DEPDC1B: variants seen among roughly 807,000 people sequenced by gnomAD.
DEPDC1B encodes the protein DEP domain-containing protein 1B.
A neutral mutation model predicts 66.5 loss-of-function variants in DEPDC1B; 51 were observed. The observed-to-expected ratio is 0.77, with a 90% CI of 0.61 to 0.97. DEPDC1B has a LOEUF of 0.97. DEPDC1B is among the 50% of genes least tolerant of loss of function. The probability of loss-of-function intolerance (pLI) is 0.00; values close to 1 mark genes in which losing one functional copy is unlikely to be tolerated. For missense variants in DEPDC1B, 552 were observed against 637.1 expected, an observed-to-expected ratio of 0.87 and a Z score of 1.44; for synonymous variants, 226 against 223.6, an observed-to-expected ratio of 1.01 and a Z score of -0.10.
intron 2 of DEPDC1B, among the ~76,000 whole-genome samples, chr5:60,671,232 G>C (rs1357323786): frequency 6.6e-6 from 1 of 152,196 alleles, no homozygotes; most frequent in East Asian, 1.9e-4. Flanking sequence ...GAGACTAACT[G>C]CAACAATAGG....
chr5:60,642,715 G>T (rs1268637410), intron 6 of DEPDC1B, 97 bp downstream of exon 6: 3 of 813,004 alleles, frequency 3.7e-6, no homozygotes, highest in Non-Finnish European at 6.0e-6. Context: ...TCTCACAGGT[G>T]TCACATCAAT....
chr5:60,650,767 C>A (rs1490914197), intron 2 of DEPDC1B, among the ~76,000 whole-genome samples: 1 of 152,162 alleles, frequency 6.6e-6, no homozygotes, highest in Non-Finnish European at 1.5e-5. Context: ...AAGGTGTTTA[C>A]AATCATACCT....
At chr5:60,664,722 C>A (rs190788971) in intron 2 of DEPDC1B, among the ~76,000 whole-genome samples, 90 of 152,198 alleles carry the variant, frequency 5.9e-4, no homozygotes, top group Non-Finnish European at 1.5e-4. Flanking sequence ...GAAAGTAATC[C>A]CCTCACTCCA....
At chr5:60,683,339 G>A (rs1303877689) in intron 2 of DEPDC1B, among the ~76,000 whole-genome samples, 1 of 152,146 alleles carries the variant, frequency 6.6e-6, no homozygotes, top group African/African-American at 2.4e-5. Flanking sequence ...GGCTGAGGTG[G>A]GAAGATCACT....
chr5:60,696,941 A>C (rs923650271), intron 1 of DEPDC1B, among the ~76,000 whole-genome samples: 1 of 152,234 alleles, frequency 6.6e-6, no homozygotes, highest in African/African-American at 2.4e-5. Flanking sequence ...TCCTAGATCT[A>C]CTTGCACTTG....
At chr5:60,693,170 A>C (rs1336433150) in intron 1 of DEPDC1B, among the ~76,000 whole-genome samples, 1 of 152,158 alleles carries the variant, frequency 6.6e-6, no homozygotes. Flanking sequence ...ACACCTAAAA[A>C]CAAAAACACA....
chr5:60,648,364 C>T (rs1392277351), intron 2 of DEPDC1B, among the ~76,000 whole-genome samples: 1 of 152,192 alleles, frequency 6.6e-6, no homozygotes, highest in Non-Finnish European at 1.5e-5. Context: ...AAACTGCTTT[C>T]ATGTGTCCTG....
At chr5:60,668,183 T>TTA (rs534282247) in intron 2 of DEPDC1B, among the ~76,000 whole-genome samples, 54 of 4,166 alleles carry the variant, frequency 0.013, 7 homozygotes, top group South Asian at 0.026. Context: ...AATGGATATT[T>TTA]TATATATATA....
intron 7 of DEPDC1B, among the ~76,000 whole-genome samples, chr5:60,619,758 A>G (rs11948719): frequency 0.11 from 16,306 of 152,266 alleles, 1,224 homozygotes; most frequent in Non-Finnish European, 0.16. Context: ...CAAGCTACCA[A>G]TGACTTTCTT....
intron 1 of DEPDC1B, among the ~76,000 whole-genome samples, chr5:60,690,410 A>C (rs991229773): frequency 8.5e-5 from 13 of 152,256 alleles, no homozygotes; most frequent in Non-Finnish European, 1.0e-4. Context: ...ATGCATATGA[A>C]AAGCTAAATG....
intron 2 of DEPDC1B, among the ~76,000 whole-genome samples, chr5:60,659,211 C>G (rs1019156139): frequency 2.6e-5 from 4 of 152,142 alleles, no homozygotes; most frequent in Admixed American, 6.5e-5. Context: ...GGGAGCAGCC[C>G]ACCCCCATCT....
intron 2 of DEPDC1B, among the ~76,000 whole-genome samples, chr5:60,676,942 G>A (rs542008246): frequency 2.6e-4 from 40 of 152,202 alleles, no homozygotes; most frequent in Non-Finnish European, 5.1e-4. Flanking sequence ...AAGACTTTCC[G>A]GTTCATAATG....
chr5:60,616,572 C>T (rs563008467), intron 7 of DEPDC1B, among the ~76,000 whole-genome samples: 6 of 150,992 alleles, frequency 4.0e-5, no homozygotes, highest in South Asian at 4.2e-4. Context: ...TGAAATGAAG[C>T]GAGAAGTTTA....
At chr5:60,625,798 T>A (rs1246373259) in intron 7 of DEPDC1B, among the ~76,000 whole-genome samples, 1 of 152,186 alleles carries the variant, frequency 6.6e-6, no homozygotes, top group Non-Finnish European at 1.5e-5. Context: ...TGTTTTGTTT[T>A]GTTGTGGGAG....
At chr5:60,671,352 A>G (rs550815367) in intron 2 of DEPDC1B, among the ~76,000 whole-genome samples, 3 of 152,324 alleles carry the variant, frequency 2.0e-5, no homozygotes, top group African/African-American at 7.2e-5. Flanking sequence ...TGTGCTGGCC[A>G]CAGGGGTGCA....
intron 1 of DEPDC1B, among the ~76,000 whole-genome samples, chr5:60,697,200 GGGGCTGTCA>G (rs1754675932): frequency 6.6e-6 from 1 of 152,144 alleles, no homozygotes; most frequent in African/African-American, 2.4e-5. Context: ...ATCATGAGTT[GGGGCTGTCA>G]TTTGACTTTT....
At chr5:60,639,073 T>C (rs1380806878) in intron 6 of DEPDC1B, among the ~76,000 whole-genome samples, 183 bp from the exon 7 acceptor site, 1 of 152,196 alleles carries the variant, frequency 6.6e-6, no homozygotes, top group African/African-American at 2.4e-5. Context: ...TAAATAGGCA[T>C]TTTACATTTT....
chr5:60,677,246 A>C (rs142474986), intron 2 of DEPDC1B, among the ~76,000 whole-genome samples: 1 of 151,796 alleles, frequency 6.6e-6, no homozygotes, highest in Non-Finnish European at 1.5e-5. Context: ...TTAGGTAATT[A>C]ATTAAATACT....
intron 9 of DEPDC1B, 93 bp downstream of exon 9, chr5:60,603,298 T>C (rs1047441545): frequency 8.3e-7 from 1 of 1,208,230 alleles, no homozygotes; most frequent in Non-Finnish European, 1.1e-6. Flanking sequence ...TTAATTCACT[T>C]AATCCTCATA....
Sources: allele counts gnomAD v4.1 joint callset (sites outside exome capture counted in the v4.1 genomes callset), GRCh38; gene constraint gnomAD v4.1.1; transcripts MANE v1.5; gene names NCBI Gene and HGNC (gene_info 2026-07-23, HGNC 2026-07-21).